MARCHF1: variants seen among roughly 807,000 people sequenced by gnomAD.
MARCHF1 encodes membrane associated ring-CH-type finger 1, also known as E3 ubiquitin-protein ligase MARCHF1.
A neutral mutation model predicts 54.2 loss-of-function variants in MARCHF1; 40 were observed. The ratio of observed to expected loss-of-function variants is 0.74; its 90% confidence interval spans 0.57 to 0.96. The LOEUF (loss-of-function observed/expected upper bound fraction) is 0.96. Among genes scored for constraint, MARCHF1 ranks in the 40% least tolerant of loss-of-function variants. The probability of loss-of-function intolerance (pLI) is 0.00; values close to 1 mark genes in which losing one functional copy is unlikely to be tolerated. For missense variants in MARCHF1, 586 were observed against 656.5 expected (o/e 0.89, Z 1.17); for synonymous variants, 236 against 236.3 (o/e 1.00, Z 0.01).
intron 1 of MARCHF1, among the ~76,000 whole-genome samples, chr4:164,220,520 ATATATATGATATATATCTATATATGTAC>A (rs1484512385): frequency 1.4e-5 from 2 of 145,766 alleles, no homozygotes; most frequent in Non-Finnish European, 3.0e-5. Context: ...TATATATGTA[ATATATATGATATATATCTATATATGTAC>A]TATATATGAT....
At position 164,283,818 on chromosome 4, in the gene MARCHF1, T is replaced by A. The variant is rs142129377; in HGVS notation, c.-323+100052A>T. 1.5e-3 allele frequency among the ~76,000 whole-genome samples: 224 copies of A among 150,978 alleles called. 5 individuals carry two copies. The highest frequency in any genetic ancestry group is 5.2e-3 in the African/African-American group (213 of 41,234). On this transcript the variant is annotated intron_variant, in intron 1 of 9. Coordinates refer to ENST00000514618, the MANE Select transcript of MARCHF1 (RefSeq NM_001394959.1). ...AGGAGGGAGTGTATACAGAGGGTCA[T>A]GAAGAAGGGGATATCATGGAAACCA...
At chr4:164,243,870 C>T (rs1732854521) in intron 1 of MARCHF1, among the ~76,000 whole-genome samples, 1 of 151,566 alleles carries the variant, frequency 6.6e-6, no homozygotes, top group African/African-American at 2.4e-5. Flanking sequence ...AAGGCCATTA[C>T]ATAATGGTAA....
rs1439719927 is a variant in MARCHF1, at chr4:164,373,225, C to A, written c.-323+10645G>T. 2.6e-5 allele frequency among the ~76,000 whole-genome samples: 4 copies of A among 152,064 alleles called. No individual in the cohort carries two copies. The East Asian group carries it at 5.8e-4, about 22-fold the overall frequency. ...AAGCAATTTGACCAGTGCCATCTCA[C>A]TAGTGAGTGGAGATTTCAACACAGC... is the stretch of plus-strand genomic sequence containing the variant. On this transcript the variant is annotated intron_variant, in intron 1 of 9. Coordinates refer to ENST00000514618, the MANE Select transcript of MARCHF1 (RefSeq NM_001394959.1).
At chr4:164,189,018 G>A in intron 1 of MARCHF1, 1 of 696,238 alleles carries the variant, frequency 1.4e-6, no homozygotes, top group Non-Finnish European at 2.6e-6. Context: ...CTGGATAAGA[G>A]GGAGGGGGAG....
At chr4:164,125,657 G>A (rs1157459555) in intron 1 of MARCHF1, among the ~76,000 whole-genome samples, 3 of 152,162 alleles carry the variant, frequency 2.0e-5, no homozygotes, top group African/African-American at 7.2e-5. Context: ...TGCTATACCA[G>A]GGATTCCCAA....
rs115736052 is a variant in MARCHF1 at position 163,906,900 on chromosome 4, T to C, written c.-38-52731A>G. ...TGTTATTGTATGCTTTTGAGATTCA[T>C]TGAAAATCAATAAAGTATTTTTATG... On this transcript the variant is annotated intron_variant, in intron 3 of 9. Transcript: ENST00000514618. 7.2e-3 allele frequency among the ~76,000 whole-genome samples: 1,092 copies of C among 152,074 alleles called. 12 individuals are homozygous for C. Among genetic ancestry groups the C allele is most frequent in the East Asian group, 0.039 (202 of 5,184 alleles).
chr4:164,238,371 T>C (rs370062962), intron 1 of MARCHF1, among the ~76,000 whole-genome samples: 4 of 152,076 alleles, frequency 2.6e-5, no homozygotes, highest in East Asian at 1.9e-4. Context: ...ACCAGGCTTA[T>C]TCATACTGAC....
intron 1 of MARCHF1, among the ~76,000 whole-genome samples, chr4:164,347,251 T>A (rs1730135007): frequency 6.6e-6 from 1 of 152,246 alleles, no homozygotes; most frequent in South Asian, 2.1e-4. Flanking sequence ...TCCTTATTTT[T>A]ATTTAATCCA....
intron 1 of MARCHF1, among the ~76,000 whole-genome samples, chr4:164,366,044 A>G (rs999519336): frequency 3.3e-5 from 5 of 152,018 alleles, no homozygotes; most frequent in Non-Finnish European, 7.4e-5. Context: ...TGTATTTTCT[A>G]TTGTTATAGT....
intron 1 of MARCHF1, among the ~76,000 whole-genome samples, chr4:164,191,370 C>T (rs1284680127): frequency 6.6e-6 from 1 of 152,092 alleles, no homozygotes; most frequent in East Asian, 1.9e-4. Context: ...AAAGTAATTG[C>T]TTTTACAGAA....
chr4:163,993,992 C>T (rs143998945), intron 2 of MARCHF1, among the ~76,000 whole-genome samples: 9 of 152,222 alleles, frequency 5.9e-5, no homozygotes, highest in Admixed American at 4.6e-4. Flanking sequence ...CAGTCTTACT[C>T]TCCAAGTAAA....
intron 1 of MARCHF1, among the ~76,000 whole-genome samples, chr4:164,207,588 G>GCCT (rs1731645967): frequency 2.0e-5 from 3 of 152,158 alleles, no homozygotes; most frequent in African/African-American, 4.8e-5. Flanking sequence ...GTGCTGGGGG[G>GCCT]ACTGAGGTGA....
chr4:163,776,400 A>G (rs1449102826), intron 4 of MARCHF1, among the ~76,000 whole-genome samples: 1 of 151,292 alleles, frequency 6.6e-6, no homozygotes, highest in African/African-American at 2.4e-5. Flanking sequence ...TAATATACAT[A>G]TATCATTTAA....
At chr4:163,785,678 T>G (rs1747597973) in intron 4 of MARCHF1, among the ~76,000 whole-genome samples, 1 of 152,002 alleles carries the variant, frequency 6.6e-6, no homozygotes, top group Admixed American at 6.6e-5. Context: ...AGCTAATATA[T>G]TCCCATAGTA....
intron 6 of MARCHF1, 119 bp downstream of exon 6, chr4:163,613,195 A>G: frequency 2.2e-5 from 29 of 1,295,408 alleles, no homozygotes; most frequent in Non-Finnish European, 3.0e-5. Flanking sequence ...AATAGCCAGT[A>G]TAAATTTTCT....
At chr4:164,202,279 C>G (rs1482058616) in intron 1 of MARCHF1, among the ~76,000 whole-genome samples, 1 of 152,084 alleles carries the variant, frequency 6.6e-6, no homozygotes, top group African/African-American at 2.4e-5. Flanking sequence ...AGGGAGAGTT[C>G]CAGTCAGAGG....
chr4:164,035,852 G>T (rs140441696), intron 2 of MARCHF1, among the ~76,000 whole-genome samples: 1 of 150,472 alleles, frequency 6.6e-6, no homozygotes, highest in Non-Finnish European at 1.5e-5. Context: ...AGGGGGAGGC[G>T]GGTGGATCAC....
chr4:164,296,743 T>C (rs769258578), intron 1 of MARCHF1, among the ~76,000 whole-genome samples: 69 of 152,294 alleles, frequency 4.5e-4, no homozygotes, highest in Non-Finnish European at 7.6e-4. Flanking sequence ...ATCTACCTTA[T>C]ATATGAATGC....
chr4:164,254,311 GTATACA>G (rs753289578), intron 1 of MARCHF1, among the ~76,000 whole-genome samples: 2 of 143,986 alleles, frequency 1.4e-5, no homozygotes, highest in African/African-American at 5.5e-5. Flanking sequence ...AGAACTAATA[GTATACA>G]TATATATATA....
Sources: gnomAD v4.1 joint callset for allele counts (sites outside exome capture counted in the v4.1 genomes callset) on GRCh38, gnomAD v4.1.1 for gene constraint, MANE v1.5 for transcripts, NCBI Gene and HGNC (gene_info 2026-07-23, HGNC 2026-07-21) for gene names.